Variants in NCOA1 observed in about 807,000 individuals in gnomAD.
The protein encoded by NCOA1 is nuclear receptor coactivator 1.
A neutral mutation model predicts 150.9 loss-of-function variants in NCOA1; 35 were observed. The ratio of observed to expected loss-of-function variants is 0.23; its 90% CI spans 0.18 to 0.31. The LOEUF is 0.31. Ranked by LOEUF, NCOA1 falls within the 10% of genes least tolerant of loss-of-function variation. The probability of loss-of-function intolerance (pLI) is 1.00; values close to 1 mark genes in which losing one functional copy is unlikely to be tolerated. For synonymous variants in NCOA1, 590 were observed against 630.0 expected (o/e 0.94, Z 0.95); for missense variants, 1,491 against 1,749.3 (o/e 0.85, Z 2.63).
At chr2:24,496,856 T>A (rs1255507990) in intron 1 of NCOA1, among the ~76,000 whole-genome samples, 1 of 152,234 alleles carries the variant, frequency 6.6e-6, no homozygotes, top group Non-Finnish European at 1.5e-5. Context: ...AGCTTTTGAG[T>A]AATGTGTAAG....
intron 1 of NCOA1, among the ~76,000 whole-genome samples, chr2:24,535,716 T>C (rs1665102995): frequency 6.6e-6 from 1 of 152,224 alleles, no homozygotes; most frequent in South Asian, 2.1e-4. Context: ...TGAAGCTTAG[T>C]TTGGCTGGAT....
intron 4 of NCOA1, among the ~76,000 whole-genome samples, chr2:24,658,139 C>T (rs1052676055): frequency 1.3e-5 from 2 of 152,248 alleles, no homozygotes; most frequent in South Asian, 4.1e-4. Flanking sequence ...GAACTCACAG[C>T]GTACAATTCA....
chr2:24,715,253 T>C (rs1673965542), intron 14 of NCOA1, among the ~76,000 whole-genome samples: 1 of 152,170 alleles, frequency 6.6e-6, no homozygotes, highest in Admixed American at 6.5e-5. Flanking sequence ...TGGAAAATTC[T>C]TTTTTCTCAT....
At position 24,602,808 on chromosome 2, in the gene NCOA1, C is replaced by T. The variant is rs56061833; in HGVS notation, c.-175+18248C>T. On this transcript the variant is annotated intron_variant, in intron 3 of 22. Transcript: ENST00000348332. ...AACTAAGCAGTGTCATGTACATCAG[C>T]CTCAGAAATGGAATTTTACCAATAC... Among the ~76,000 whole-genome samples, 1,019 of 152,208 alleles carry T rather than the reference C, an allele frequency of 6.7e-3. 6 individuals carry two copies. Among genetic ancestry groups the T allele is most frequent in the Non-Finnish European group, 9.9e-3 (675 of 68,022 alleles).
At chr2:24,759,685 T>C (rs1306651337) in intron 21 of NCOA1, among the ~76,000 whole-genome samples, 2 of 152,112 alleles carry the variant, frequency 1.3e-5, no homozygotes, top group African/African-American at 4.8e-5. Flanking sequence ...AAACACCAAT[T>C]ACCTTTTTTA....
At chr2:24,724,739 TTC>T (rs916051336) in intron 14 of NCOA1, among the ~76,000 whole-genome samples, 3 of 152,172 alleles carry the variant, frequency 2.0e-5, no homozygotes, top group Admixed American at 6.5e-5. Context: ...CATGTAAATT[TTC>T]TTAGACTTTT....
At chr2:24,718,852 G>C (rs1171778476) in intron 14 of NCOA1, among the ~76,000 whole-genome samples, 2 of 148,328 alleles carry the variant, frequency 1.3e-5, no homozygotes, top group Non-Finnish European at 3.0e-5. Context: ...CTGGGCGACA[G>C]AATGAGACTC....
At chr2:24,716,005 G>T (rs368791297) in intron 14 of NCOA1, among the ~76,000 whole-genome samples, 1 of 151,960 alleles carries the variant, frequency 6.6e-6, no homozygotes, top group African/African-American at 2.4e-5. Flanking sequence ...TTAGCCGGGC[G>T]TGGTGGCAGG....
At chr2:24,573,717 T>C (rs1313574393) in intron 2 of NCOA1, among the ~76,000 whole-genome samples, 1 of 152,118 alleles carries the variant, frequency 6.6e-6, no homozygotes, top group Non-Finnish European at 1.5e-5. Flanking sequence ...ACTACATATG[T>C]CCATTCTCTC....
chr2:24,643,444 G>C (rs1225769583), intron 3 of NCOA1, among the ~76,000 whole-genome samples: 1 of 152,150 alleles, frequency 6.6e-6, no homozygotes, highest in Non-Finnish European at 1.5e-5. Flanking sequence ...ACTGTTAACT[G>C]TGGGCAAATT....
At chr2:24,496,180 C>T (rs530151235) in intron 1 of NCOA1, among the ~76,000 whole-genome samples, 1 of 152,182 alleles carries the variant, frequency 6.6e-6, no homozygotes, top group Non-Finnish European at 1.5e-5. Context: ...ATTTACCTCT[C>T]TAATTTGTCC....
chr2:24,622,924 A>G (rs1669237015), intron 3 of NCOA1, among the ~76,000 whole-genome samples: 1 of 152,158 alleles, frequency 6.6e-6, no homozygotes, highest in Admixed American at 6.5e-5. Context: ...TCTCTAAGGA[A>G]AGAGAGTATG....
At chr2:24,657,721 G>A (rs1671007550) in intron 4 of NCOA1, among the ~76,000 whole-genome samples, 1 of 152,142 alleles carries the variant, frequency 6.6e-6, no homozygotes, top group Non-Finnish European at 1.5e-5. Flanking sequence ...TTTTCAGTAT[G>A]GCTGCTAACA....
rs542038699 is a variant in NCOA1 at position 24,765,142 on chromosome 2, A to G, written c.4155+2366A>G. Reference sequence around the variant, plus strand: ...CAGCGAGCCGAGATCACACCACTGCACTCTATCTTGGGCGACAGAGGGATA... The same window carrying G: ...CAGCGAGCCGAGATCACACCACTGCGCTCTATCTTGGGCGACAGAGGGATA... On this transcript the variant is annotated intron_variant, in intron 22 of 22. Transcript: ENST00000348332. Among the ~76,000 whole-genome samples the G allele has an allele frequency of 7.9e-5, 12 of 151,172 alleles. No homozygotes were observed. The South Asian group carries it at 2.5e-3, about 32-fold the overall frequency.
At chr2:24,569,635 G>A (rs1666658311) in intron 2 of NCOA1, among the ~76,000 whole-genome samples, 1 of 145,262 alleles carries the variant, frequency 6.9e-6, no homozygotes, top group Non-Finnish European at 1.5e-5. Context: ...ATTTTGGGAG[G>A]CCTAGGTGAG....
At chr2:24,558,141 A>G (rs1014799479) in intron 1 of NCOA1, among the ~76,000 whole-genome samples, 6 of 151,576 alleles carry the variant, frequency 4.0e-5, no homozygotes, top group South Asian at 2.1e-4. Context: ...TCCAAACTGT[A>G]TTTTTCCCCC....
At chr2:24,623,096 A>G (rs1033202364) in intron 3 of NCOA1, among the ~76,000 whole-genome samples, 1 of 152,246 alleles carries the variant, frequency 6.6e-6, no homozygotes, top group African/African-American at 2.4e-5. Context: ...GAGGACAACC[A>G]GTATACTTTT....
At chr2:24,748,469 G>T (rs13401689) in intron 19 of NCOA1, among the ~76,000 whole-genome samples, 2 of 151,820 alleles carry the variant, frequency 1.3e-5, no homozygotes, top group Non-Finnish European at 2.9e-5. Flanking sequence ...AATTAGTTGG[G>T]TGTGGTGGTA....
intron 3 of NCOA1, among the ~76,000 whole-genome samples, chr2:24,602,477 G>A (rs1028853747): frequency 2.0e-5 from 3 of 151,966 alleles, no homozygotes; most frequent in Admixed American, 6.5e-5. Flanking sequence ...CTGGGATTAC[G>A]GGCATGTGCC....
Sources: allele counts gnomAD v4.1 joint callset (sites outside exome capture counted in the v4.1 genomes callset), GRCh38; gene constraint gnomAD v4.1.1; transcripts MANE v1.5; gene names NCBI Gene and HGNC (gene_info 2026-07-23, HGNC 2026-07-21).